Variants in PDGFC observed in about 807,000 individuals in gnomAD.
PDGFC encodes the protein platelet-derived growth factor C.
A neutral mutation model predicts 35.5 loss-of-function variants in PDGFC; 12 were observed. The observed-to-expected ratio is 0.34, with a 90% CI of 0.22 to 0.55. The LOEUF (loss-of-function observed/expected upper bound fraction) is 0.55. Ranked by LOEUF, PDGFC falls within the 20% of genes least tolerant of loss-of-function variation. The pLI is 0.91. For missense variants in PDGFC, 322 were observed against 412.4 expected, an observed-to-expected ratio of 0.78 and a Z score of 1.90; for synonymous variants, 159 against 148.8, an observed-to-expected ratio of 1.07 and a Z score of -0.50.
intron 3 of PDGFC, among the ~76,000 whole-genome samples, chr4:156,777,486 G>A (rs1730860242): frequency 6.6e-6 from 1 of 152,064 alleles, no homozygotes; most frequent in East Asian, 1.9e-4. Flanking sequence ...TATAGTAAGA[G>A]AACATTTTAA....
At chr4:156,913,842 T>A (rs925128573) in intron 1 of PDGFC, among the ~76,000 whole-genome samples, 2 of 152,146 alleles carry the variant, frequency 1.3e-5, no homozygotes, top group Admixed American at 1.3e-4. Flanking sequence ...CTCCCAAACC[T>A]CTCACCTTGG....
Position 156,815,321 on chromosome 4 carries a change from TTTACACACAC to T in PDGFC, c.315-4314_315-4305del, listed in dbSNP as rs1462155876. 3.2e-5 allele frequency among the ~76,000 whole-genome samples: 4 copies of T among 124,270 alleles called. No individual in the cohort carries two copies. In the East Asian group the frequency reaches 9.1e-4, roughly 28 times the overall value. 81.5% of individuals were successfully genotyped at this position (124,270 alleles called of 152,430 possible). Reference sequence around the variant, plus strand: ...TTTAAAGTTATTAATGAAATAATTTTTTACACACACACACACACACACACACACACACACA... The same window carrying T: ...TTTAAAGTTATTAATGAAATAATTTTACACACACACACACACACACACACA... On this transcript the variant is annotated intron_variant, in intron 2 of 5. Coordinates refer to ENST00000502773, the MANE Select transcript of PDGFC (RefSeq NM_016205.3).
chr4:156,835,945 CAG>C (rs1325307068), intron 2 of PDGFC: 1 of 152,198 alleles, frequency 6.6e-6, no homozygotes, highest in East Asian at 1.9e-4. Flanking sequence ...CTTCTCTCCT[CAG>C]AGTCTCCTGT....
chr4:156,813,722 T>C (rs1732003739), intron 2 of PDGFC, among the ~76,000 whole-genome samples: 1 of 152,164 alleles, frequency 6.6e-6, no homozygotes, highest in South Asian at 2.1e-4. Context: ...GATTATTTGG[T>C]AGGCCAATGT....
At position 156,815,482 on chromosome 4, in the gene PDGFC, C is replaced by A. The variant is rs1340208355; in HGVS notation, c.315-4465G>T. On this transcript the variant is annotated intron_variant, in intron 2 of 5. Transcript: ENST00000502773. ...TCTGCTTTAACAACTTGATATTTTT[C>A]TTATTTTCTGACACAACACCATTTG... is the stretch of plus-strand genomic sequence containing the variant. Among the ~76,000 whole-genome samples, 4 of 152,078 alleles carry A rather than the reference C, an allele frequency of 2.6e-5. No individual in the cohort carries two copies. In the East Asian group the frequency reaches 7.7e-4, roughly 29 times the overall value.
intron 3 of PDGFC, among the ~76,000 whole-genome samples, chr4:156,807,175 T>G (rs936269582): frequency 6.6e-6 from 1 of 152,042 alleles, no homozygotes; most frequent in Non-Finnish European, 1.5e-5. Flanking sequence ...GAGAATAATA[T>G]TTCTATAAAT....
chr4:156,877,010 T>C (rs1730131129), intron 1 of PDGFC, among the ~76,000 whole-genome samples: 2 of 152,104 alleles, frequency 1.3e-5, no homozygotes, highest in Admixed American at 6.6e-5. Context: ...AAAAGAGTGG[T>C]CCATTTATCT....
chr4:156,853,108 A>G (rs987817050), intron 1 of PDGFC, among the ~76,000 whole-genome samples: 1 of 152,226 alleles, frequency 6.6e-6, no homozygotes, highest in Non-Finnish European at 1.5e-5. Flanking sequence ...AATTTCTTAC[A>G]TAATATTAGA....
At chr4:156,867,802 C>T (rs1729881446) in intron 1 of PDGFC, among the ~76,000 whole-genome samples, 1 of 152,086 alleles carries the variant, frequency 6.6e-6, no homozygotes. Context: ...AGGAATTGAT[C>T]GGAGTGCTAA....
chr4:156,892,017 C>A (rs531246065), intron 1 of PDGFC, among the ~76,000 whole-genome samples: 1 of 152,150 alleles, frequency 6.6e-6, no homozygotes, highest in South Asian at 2.1e-4. Flanking sequence ...TGTATCAAAC[C>A]AGCATTTACT....
chr4:156,941,205 G>A (rs1171273055), intron 1 of PDGFC, among the ~76,000 whole-genome samples: 1 of 152,112 alleles, frequency 6.6e-6, no homozygotes, highest in African/African-American at 2.4e-5. Context: ...AATCTGAAGG[G>A]ATAGATAGAG....
At chr4:156,838,687 T>C (rs934326950) in intron 2 of PDGFC, among the ~76,000 whole-genome samples, 1 of 152,224 alleles carries the variant, frequency 6.6e-6, no homozygotes, top group Non-Finnish European at 1.5e-5. Context: ...TTCAGTATCA[T>C]AATCTAAACA....
At chr4:156,964,420 G>GTA (rs541237339) in intron 1 of PDGFC, among the ~76,000 whole-genome samples, 1 of 146,928 alleles carries the variant, frequency 6.8e-6, no homozygotes, top group Non-Finnish European at 1.5e-5. Flanking sequence ...ATATATAACA[G>GTA]TATATATATA....
chr4:156,763,099 T>C lies in PDGFC; in HGVS notation c.1029A>G (p.Thr343=), dbSNP rs377684062. ...EECDCVCRGS[T]GG ...GCTGGTGGTGATGCGGCTATCCTCC[T>C]GTGCTCCCTCTGCACACACAGTCAC... Residue 343 remains threonine (T), a synonymous_variant, in exon 6 of 6, where the codon ACA becomes ACG. Transcript: ENST00000502773. 2.5e-6 allele frequency: 4 copies of C among 1,582,494 alleles called. No individual in the cohort carries two copies. The highest frequency in any genetic ancestry group is 1.7e-5 in the Admixed American group (1 of 59,968).
intron 1 of PDGFC, among the ~76,000 whole-genome samples, chr4:156,921,377 TG>T (rs1731277904): frequency 6.6e-6 from 1 of 152,090 alleles, no homozygotes; most frequent in Non-Finnish European, 1.5e-5. Flanking sequence ...ATACTGAGAA[TG>T]GTGCTGAACT....
At chr4:156,905,546 A>G (rs1005818878) in intron 1 of PDGFC, among the ~76,000 whole-genome samples, 1 of 152,092 alleles carries the variant, frequency 6.6e-6, no homozygotes, top group Non-Finnish European at 1.5e-5. Flanking sequence ...ATGCATACCC[A>G]AGCCTGTGAT....
At chr4:156,776,785 C>G (rs1730840938) in intron 3 of PDGFC, among the ~76,000 whole-genome samples, 2 of 152,268 alleles carry the variant, frequency 1.3e-5, no homozygotes, top group Admixed American at 6.5e-5. Flanking sequence ...GAACTGGACT[C>G]TAAATCCCAG....
At chr4:156,859,004 A>G (rs1018656692) in intron 1 of PDGFC, among the ~76,000 whole-genome samples, 6 of 152,064 alleles carry the variant, frequency 3.9e-5, no homozygotes, top group Admixed American at 1.3e-4. Context: ...TGACAGGAAG[A>G]TGTTTAAAAT....
At chr4:156,881,652 G>A (rs1363127201) in intron 1 of PDGFC, among the ~76,000 whole-genome samples, 1 of 152,026 alleles carries the variant, frequency 6.6e-6, no homozygotes, top group African/African-American at 2.4e-5. Flanking sequence ...CCAACATGGT[G>A]AAACCCTGTC....
Sources: allele counts gnomAD v4.1 joint callset (sites outside exome capture counted in the v4.1 genomes callset), GRCh38; gene constraint gnomAD v4.1.1; transcripts MANE v1.5; gene names NCBI Gene and HGNC (gene_info 2026-07-23, HGNC 2026-07-21).